Variants in SEMA3A observed in about 807,000 individuals in gnomAD.
SEMA3A encodes the protein semaphorin 3A.
Under a neutral mutation model 97.9 loss-of-function variants are expected in SEMA3A, and 29 were observed. That is an observed-to-expected ratio of 0.30 (90% confidence interval 0.22 to 0.40). The LOEUF (loss-of-function observed/expected upper bound fraction) is 0.40. SEMA3A is among the 10% of genes least tolerant of loss of function. The probability of loss-of-function intolerance (pLI) is 1.00; values close to 1 mark genes in which losing one functional copy is unlikely to be tolerated. For missense variants in SEMA3A, 763 were observed against 951.3 expected, an observed-to-expected ratio of 0.80 and a Z score of 2.60; for synonymous variants, 321 against 323.7, an observed-to-expected ratio of 0.99 and a Z score of 0.09.
intron 6 of SEMA3A, among the ~76,000 whole-genome samples, chr7:84,019,528 C>T (rs869219526): frequency 2.0e-5 from 3 of 151,832 alleles, no homozygotes; most frequent in Admixed American, 6.6e-5. Context: ...TTTTTAATGA[C>T]GTGTCTTTAA....
chr7:84,014,426 C>T, intron 6 of SEMA3A, 75 bp from the exon 7 acceptor site: 2 of 1,118,256 alleles, frequency 1.8e-6, no homozygotes, highest in South Asian at 3.1e-5. Flanking sequence ...TCCATTTTTA[C>T]TTTTTTTAAC....
chr7:84,377,751 C>T (rs1480788516), intron 1 of SEMA3A, among the ~76,000 whole-genome samples: 1 of 152,080 alleles, frequency 6.6e-6, no homozygotes, highest in African/African-American at 2.4e-5. Context: ...CTCTGCTACC[C>T]ATCATCAGAG....
chr7:83,965,666 A>AGATAT (rs1788665007), intron 15 of SEMA3A, among the ~76,000 whole-genome samples: 1 of 11,788 alleles, frequency 8.5e-5, no homozygotes, highest in Non-Finnish European at 1.6e-4. Context: ...ATATATATAT[A>AGATAT]TTTTTTTTTT....
At chr7:84,034,433 C>G (rs1295134200) in intron 6 of SEMA3A, among the ~76,000 whole-genome samples, 1 of 152,112 alleles carries the variant, frequency 6.6e-6, no homozygotes, top group Non-Finnish European at 1.5e-5. Flanking sequence ...TTAATTTATT[C>G]TCAGTTATCA....
chr7:84,437,943 C>A (rs1584325124), intron 1 of SEMA3A, among the ~76,000 whole-genome samples: 1 of 151,898 alleles, frequency 6.6e-6, no homozygotes, highest in African/African-American at 2.4e-5. Flanking sequence ...TTTTAAAAAA[C>A]CTAAAACAAG....
At chr7:84,483,071 AT>A (rs1372020076) in intron 1 of SEMA3A, among the ~76,000 whole-genome samples, 1 of 152,144 alleles carries the variant, frequency 6.6e-6, no homozygotes, top group Non-Finnish European at 1.5e-5. Context: ...TGAGAGCTCT[AT>A]GTGCAATAAC....
At chr7:83,963,008 T>A (rs1341716736) in intron 16 of SEMA3A, among the ~76,000 whole-genome samples, 197 bp downstream of exon 16, 1 of 152,144 alleles carries the variant, frequency 6.6e-6, no homozygotes, top group African/African-American at 2.4e-5. Flanking sequence ...AGGTTACCTT[T>A]GTTTCTCTAA....
At chr7:84,477,071 A>AT (rs1554394118) in intron 1 of SEMA3A, among the ~76,000 whole-genome samples, 39 of 124,942 alleles carry the variant, frequency 3.1e-4, no homozygotes, top group African/African-American at 1.2e-3. Flanking sequence ...TTAAAAAAAA[A>AT]AAATATATAT....
intron 2 of SEMA3A, among the ~76,000 whole-genome samples, chr7:84,351,867 G>A (rs1351511964): frequency 6.6e-6 from 1 of 151,972 alleles, no homozygotes; most frequent in African/African-American, 2.4e-5. Context: ...ATCCCACTGC[G>A]AGGTATATAC....
chr7:84,245,713 C>G (rs1799461791), intron 3 of SEMA3A, among the ~76,000 whole-genome samples: 1 of 152,014 alleles, frequency 6.6e-6, no homozygotes, highest in African/African-American at 2.4e-5. Flanking sequence ...GCTGCTTGTT[C>G]CTTCCCCTGG....
intron 3 of SEMA3A, among the ~76,000 whole-genome samples, chr7:84,222,131 GA>G (rs1318387111): frequency 6.6e-6 from 1 of 151,626 alleles, no homozygotes; most frequent in East Asian, 1.9e-4. Context: ...TATGCCAAGG[GA>G]AAAAAACTTT....
At chr7:84,104,279 T>C (rs1411372513) in intron 4 of SEMA3A, among the ~76,000 whole-genome samples, 1 of 152,136 alleles carries the variant, frequency 6.6e-6, no homozygotes, top group Non-Finnish European at 1.5e-5. Flanking sequence ...ATTGTACCAA[T>C]ATGGCCTTAT....
intron 1 of SEMA3A, among the ~76,000 whole-genome samples, chr7:84,482,491 T>C (rs928464117): frequency 6.6e-6 from 1 of 152,158 alleles, no homozygotes; most frequent in Admixed American, 6.6e-5. Flanking sequence ...GAAGCTAAAA[T>C]ATTCTGAGAC....
chr7:84,108,401 G>A (rs1562787449), intron 4 of SEMA3A, among the ~76,000 whole-genome samples: 1 of 151,446 alleles, frequency 6.6e-6, no homozygotes, highest in Non-Finnish European at 1.5e-5. Context: ...GCAGTGGAAG[G>A]CAGTTAGAGG....
chr7:84,402,834 G>C (rs568838570), intron 1 of SEMA3A, among the ~76,000 whole-genome samples: 1 of 152,118 alleles, frequency 6.6e-6, no homozygotes, highest in Non-Finnish European at 1.5e-5. Context: ...AATATCACAC[G>C]TTCTCATTCA....
intron 1 of SEMA3A, among the ~76,000 whole-genome samples, chr7:84,470,661 A>G (rs537766102): frequency 2.6e-5 from 4 of 152,228 alleles, no homozygotes; most frequent in Admixed American, 1.3e-4. Context: ...TACGGTATAT[A>G]GCAAGGTTTA....
intron 2 of SEMA3A, 59 bp downstream of exon 2, chr7:84,134,735 T>C: frequency 7.9e-7 from 1 of 1,265,552 alleles, no homozygotes; most frequent in South Asian, 1.7e-5. Flanking sequence ...AGCTAGAGAA[T>C]TATCTATAAC....
At chr7:84,194,420 AAG>A in intron 1 of SEMA3A, 53 bp downstream of exon 1, 1 of 1,136,704 alleles carries the variant, frequency 8.8e-7, no homozygotes, top group South Asian at 1.3e-5. Context: ...TCAAGGAATT[AAG>A]GGGGGGGGCG....
At chr7:84,139,762 A>G (rs1796246038) in intron 1 of SEMA3A, among the ~76,000 whole-genome samples, 1 of 152,094 alleles carries the variant, frequency 6.6e-6, no homozygotes, top group Admixed American at 6.5e-5. Flanking sequence ...ATGAAATTCA[A>G]GATTCTTATA....
Sources: allele counts gnomAD v4.1 joint callset (sites outside exome capture counted in the v4.1 genomes callset), GRCh38; gene constraint gnomAD v4.1.1; transcripts MANE v1.5; gene names NCBI Gene and HGNC (gene_info 2026-07-23, HGNC 2026-07-21).